Variants in ZNF385B observed in about 807,000 individuals in gnomAD.
The protein encoded by ZNF385B is zinc finger protein 385B, also known as zinc finger protein 533.
A neutral mutation model predicts 39.2 loss-of-function variants in ZNF385B; 23 were observed. That is an observed-to-expected ratio of 0.59 (90% CI 0.42 to 0.83). The LOEUF is 0.83. ZNF385B is among the 40% of genes least tolerant of loss of function. ZNF385B has a pLI of 0.00. For synonymous variants in ZNF385B, 205 were observed against 222.6 expected, an observed-to-expected ratio of 0.92 and a Z score of 0.70; for missense variants, 552 against 598.9, an observed-to-expected ratio of 0.92 and a Z score of 0.82.
At chr2:179,476,951 T>C (rs1304282641) in intron 6 of ZNF385B, among the ~76,000 whole-genome samples, 2 of 152,228 alleles carry the variant, frequency 1.3e-5, no homozygotes, top group South Asian at 2.1e-4. Flanking sequence ...GATAGATGTA[T>C]GCCAAATTTA....
chr2:179,706,187 A>T (rs1324970646), intron 3 of ZNF385B, among the ~76,000 whole-genome samples: 1 of 152,192 alleles, frequency 6.6e-6, no homozygotes, highest in East Asian at 1.9e-4. Context: ...TGTACAAGGG[A>T]TCAAGTCCCC....
chr2:179,551,876 C>T (rs1013101635), intron 3 of ZNF385B, among the ~76,000 whole-genome samples: 2 of 152,018 alleles, frequency 1.3e-5, no homozygotes, highest in African/African-American at 4.8e-5. Flanking sequence ...TGGGGATCTC[C>T]TTTAGTCCAC....
At position 179,769,510 on chromosome 2, in the gene ZNF385B, G is replaced by C. The variant is rs1384654057; in HGVS notation, c.291C>G (p.Ser97Arg). 18 of 1,613,630 alleles carry C rather than the reference G, an allele frequency of 1.1e-5. No homozygotes were observed. The highest frequency in any genetic ancestry group is 8.5e-7 in the Non-Finnish European group (1 of 1,179,964). The change falls in exon 3 of 10, where the codon AGC becomes AGG. Residue 97 changes from serine to arginine, a missense_variant. Transcript: ENST00000410066. Reference sequence around the variant, plus strand: ...CGGGACCCTGCCTCCTACCTGTGCTGCTGTTGCTGCTGGGGCTGGCCTGGG... The same window carrying C: ...CGGGACCCTGCCTCCTACCTGTGCTCCTGTTGCTGCTGGGGCTGGCCTGGG... ...PPAQASPSSNSSTGSTCHTTT... is the reference protein window; with the variant it reads ...PPAQASPSSNRSTGSTCHTTT...
chr2:179,689,299 T>G (rs1374861199), intron 3 of ZNF385B, among the ~76,000 whole-genome samples: 3 of 152,006 alleles, frequency 2.0e-5, no homozygotes, highest in Non-Finnish European at 4.4e-5. Flanking sequence ...ACCAAGGAAT[T>G]AGGTGATGGT....
intron 1 of ZNF385B, among the ~76,000 whole-genome samples, chr2:179,838,035 T>G (rs970268603): frequency 1.1e-4 from 16 of 151,416 alleles, no homozygotes; most frequent in Admixed American, 3.9e-4. Context: ...TACCTACAAT[T>G]TATTAATTCT....
chr2:179,456,100 T>A (rs919284459), intron 6 of ZNF385B, among the ~76,000 whole-genome samples: 1 of 152,206 alleles, frequency 6.6e-6, no homozygotes, highest in Non-Finnish European at 1.5e-5. Flanking sequence ...CTGTAAAGGC[T>A]ATCATGTTTG....
intron 3 of ZNF385B, among the ~76,000 whole-genome samples, chr2:179,580,890 G>A (rs969328139): frequency 3.9e-5 from 6 of 152,212 alleles, no homozygotes; most frequent in African/African-American, 1.4e-4. Context: ...CTAGGGAGCA[G>A]TGTGGTCTGA....
At chr2:179,467,925 G>C (rs894106126) in intron 6 of ZNF385B, among the ~76,000 whole-genome samples, 2 of 152,172 alleles carry the variant, frequency 1.3e-5, no homozygotes, top group African/African-American at 4.8e-5. Context: ...ACATCTTCTG[G>C]TAATTCTCTG....
At chr2:179,548,346 G>A (rs897984453) in intron 3 of ZNF385B, among the ~76,000 whole-genome samples, 2 of 149,532 alleles carry the variant, frequency 1.3e-5, no homozygotes, top group Non-Finnish European at 3.0e-5. Flanking sequence ...TAACTTTCAT[G>A]TAGTATAGAA....
chr2:179,445,986 TATC>T (rs992043001), intron 7 of ZNF385B, among the ~76,000 whole-genome samples: 2 of 152,276 alleles, frequency 1.3e-5, no homozygotes, highest in Non-Finnish European at 2.9e-5. Context: ...TAACCACTAT[TATC>T]ATTCTAGGGT....
At chr2:179,841,954 T>C (rs1708558726) in intron 1 of ZNF385B, among the ~76,000 whole-genome samples, 1 of 152,282 alleles carries the variant, frequency 6.6e-6, no homozygotes. Context: ...ACATTGCAGC[T>C]AAATTACTTA....
At chr2:179,682,983 A>C (rs1182642555) in intron 3 of ZNF385B, among the ~76,000 whole-genome samples, 1 of 152,168 alleles carries the variant, frequency 6.6e-6, no homozygotes, top group African/African-American at 2.4e-5. Flanking sequence ...ATGTGTTTTA[A>C]TGACGTAATA....
intron 1 of ZNF385B, among the ~76,000 whole-genome samples, chr2:179,804,760 C>T (rs1706245611): frequency 6.6e-6 from 1 of 152,208 alleles, no homozygotes; most frequent in Non-Finnish European, 1.5e-5. Flanking sequence ...CACACCTTAT[C>T]AACTACATCC....
chr2:179,559,346 G>A (rs900675681), intron 3 of ZNF385B, among the ~76,000 whole-genome samples: 4 of 108,416 alleles, frequency 3.7e-5, no homozygotes, highest in Non-Finnish European at 6.2e-5. Flanking sequence ...GTATTTAACA[G>A]ATTGGGCCAA....
rs79893932 is a variant in ZNF385B, at chr2:179,702,021, G to C, written c.298+67482C>G. Among the ~76,000 whole-genome samples the C allele has an allele frequency of 1.3e-4, 20 of 152,240 alleles. No homozygotes were observed. The East Asian group carries it at 3.7e-3, about 28-fold the overall frequency. On this transcript the variant is annotated intron_variant, in intron 3 of 9. Coordinates refer to ENST00000410066, the MANE Select transcript of ZNF385B (RefSeq NM_152520.6). ...CGTTGTATCTAGCAGTGCCCAAAGA[G>C]ACCAGATTGCTGCTTCAAAAGACTT...
At chr2:179,741,540 A>G (rs540425898) in intron 3 of ZNF385B, among the ~76,000 whole-genome samples, 1 of 152,236 alleles carries the variant, frequency 6.6e-6, no homozygotes, top group East Asian at 1.9e-4. Context: ...TAACATTCAG[A>G]TCCAGGATAG....
intron 1 of ZNF385B, among the ~76,000 whole-genome samples, chr2:179,791,434 T>C (rs1355821546): frequency 6.6e-6 from 1 of 152,212 alleles, no homozygotes; most frequent in African/African-American, 2.4e-5. Context: ...AAGTAGAATA[T>C]TTGTACAAAT....
intron 1 of ZNF385B, among the ~76,000 whole-genome samples, chr2:179,852,705 T>G (rs1423735407): frequency 5.9e-5 from 9 of 152,158 alleles, no homozygotes; most frequent in African/African-American, 2.4e-5. Context: ...TCAGAGCAAC[T>G]TAAGGTAGGA....
intron 6 of ZNF385B, among the ~76,000 whole-genome samples, chr2:179,473,708 G>A (rs576853429): frequency 6.6e-6 from 1 of 152,076 alleles, no homozygotes; most frequent in African/African-American, 2.4e-5. Context: ...AGTGTGTGAT[G>A]TTTCCCTCCC....
Sources: allele counts gnomAD v4.1 joint callset (sites outside exome capture counted in the v4.1 genomes callset), GRCh38; gene constraint gnomAD v4.1.1; transcripts MANE v1.5; gene names NCBI Gene and HGNC (gene_info 2026-07-23, HGNC 2026-07-21).